PPARGC1B: variants seen among roughly 807,000 people sequenced by gnomAD.
PPARGC1B encodes the protein PPARG coactivator 1 beta.
A neutral mutation model predicts 101.6 loss-of-function variants in PPARGC1B; 34 were observed. That is an observed-to-expected ratio of 0.33 (90% CI 0.25 to 0.45). PPARGC1B has a LOEUF of 0.45. Among genes scored for constraint, PPARGC1B ranks in the 20% least tolerant of loss-of-function variants. The pLI, the probability that PPARGC1B is intolerant of heterozygous loss-of-function variation, is 1.00. For missense variants in PPARGC1B, 1,234 were observed against 1,317.6 expected (o/e 0.94, Z 0.98); for synonymous variants, 548 against 539.3 (o/e 1.02, Z -0.22).
rs1253837061 is a variant in PPARGC1B, at chr5:149,849,406, A to G, written c.*1848A>G. On this transcript the variant is annotated 3_prime_UTR_variant, in exon 12 of 12. Transcript: ENST00000309241. ...TTCCTGTGAAATGAACTGATTAGACATGTTTCAACATTGTTAGCTTCTGCT... is the reference window on the plus strand; with the variant it reads ...TTCCTGTGAAATGAACTGATTAGACGTGTTTCAACATTGTTAGCTTCTGCT... 6.6e-6 allele frequency: 1 copy of G among 152,202 alleles called. No homozygotes were observed. The highest frequency in any genetic ancestry group is 2.4e-5 in the African/African-American group (1 of 41,428). 9.4% of individuals were successfully genotyped at this position (152,202 alleles called of 1,614,324 possible).
rs537306509 is a variant in PPARGC1B, at chr5:149,736,829, G to C, written c.78+6409G>C. On this transcript the variant is annotated intron_variant, in intron 1 of 11. Coordinates refer to ENST00000309241, the MANE Select transcript of PPARGC1B (RefSeq NM_133263.4). ...AATTGAAAGGAAGGTACAGAGATTT[G>C]CCATATACCCTTGCCCCCAACATGC... Among the ~76,000 whole-genome samples the C allele has an allele frequency of 4.6e-5, 7 of 152,086 alleles. 1 individual carries two copies. In the South Asian group the frequency reaches 1.2e-3, roughly 27 times the overall value.
At chr5:149,778,012 C>T (rs4705091) in intron 1 of PPARGC1B, among the ~76,000 whole-genome samples, 10,599 of 67,498 alleles carry the variant, frequency 0.16, 1,638 homozygotes, top group Admixed American at 0.19. Context: ...TTCCCCCCCC[C>T]ACAGACACAC....
Position 149,836,307 on chromosome 5 carries a change from G to C in PPARGC1B, c.1852G>C (p.Asp618His), listed in dbSNP as rs1446460058. The C allele has an allele frequency of 1.2e-6, 2 of 1,610,476 alleles. No homozygotes were observed. Among genetic ancestry groups the C allele is most frequent in the Non-Finnish European group, 1.7e-6 (2 of 1,178,456 alleles). ...ACCACCGTACAAGCCCACAGAGGAG[G>C]ATCCCTTCAAACCAGACATCAAGCA... ...TTPPYKPTEEDPFKPDIKHSL... is the reference protein window; with the variant it reads ...TTPPYKPTEEHPFKPDIKHSL... The change falls in exon 8 of 12, where the codon GAT becomes CAT. Residue 618 changes from aspartate to histidine, a missense_variant. This residue lies in a region of PPARGC1B where 497 missense variants were observed against 529.5 expected (regional missense o/e 0.94). Transcript: ENST00000309241.
intron 1 of PPARGC1B, among the ~76,000 whole-genome samples, chr5:149,757,043 A>C (rs1401238729): frequency 6.6e-6 from 1 of 152,190 alleles, no homozygotes; most frequent in Non-Finnish European, 1.5e-5. Context: ...AGAGAGGCGG[A>C]AAATACACAA....
rs934058944 is a variant in PPARGC1B, at chr5:149,837,243, G to A, written c.2618+170G>A. Among the ~76,000 whole-genome samples, 1 of 152,192 alleles carries A rather than the reference G, an allele frequency of 6.6e-6. No homozygotes were observed. The highest frequency in any genetic ancestry group is 2.4e-5 in the African/African-American group (1 of 41,444). On this transcript the variant is annotated intron_variant, in intron 8 of 11. Transcript: ENST00000309241. This position sits in a 1 kb window ranked among gnomAD's most constrained non-coding sequence, Gnocchi z 4.2. ...GGAGCCTTGAAGGTGGTCTTCTGGG[G>A]CAGTTGTGGGTGAGTTCTGGAGGCA...
intron 1 of PPARGC1B, among the ~76,000 whole-genome samples, chr5:149,758,254 C>G (rs1339079323): frequency 6.6e-6 from 1 of 152,258 alleles, no homozygotes; most frequent in Non-Finnish European, 1.5e-5. Flanking sequence ...TTGTTCTAGA[C>G]TAGAAGTCAT....
chr5:149,852,147 CT>C lies in PPARGC1B; in HGVS notation c.*4591del, dbSNP rs1269509341. On this transcript the variant is annotated 3_prime_UTR_variant, in exon 12 of 12. Coordinates refer to ENST00000309241, the MANE Select transcript of PPARGC1B (RefSeq NM_133263.4). ...GAAACAGGGAGCCATGGGTTTAGAT[CT>C]TGGTACCTACCTTTACAGAAAGATG... is the stretch of plus-strand genomic sequence containing the variant. The C allele has an allele frequency of 6.6e-6, 1 of 152,230 alleles. No homozygotes were observed. 9.4% of individuals were successfully genotyped at this position (152,230 alleles called of 1,614,324 possible).
In PPARGC1B at chr5:149,832,953, A is replaced by G. The variant is rs759082558; in HGVS notation, c.880A>G (p.Met294Val). ...MQAMVQLIRY[M>V]HTYCLPQRKL... ...GGCGATGGTGCAACTCATACGCTAC[A>G]TGCACACCTACTGCCTCCCCCAGAG... The change falls in exon 5 of 12, where the codon ATG (methionine) becomes GTG (valine). Residue 294 changes from methionine to valine, a missense_variant. Transcript: ENST00000309241. The surrounding 1 kb of genome is among the most constrained non-coding windows in gnomAD (Gnocchi z 4.9). 3 of 1,613,022 alleles carry G rather than the reference A, an allele frequency of 1.9e-6. No individual in the cohort carries two copies. Among genetic ancestry groups the G allele is most frequent in the South Asian group, 2.2e-5 (2 of 91,082 alleles).
rs749190055 is a variant in PPARGC1B, at chr5:149,837,045, T to C, written c.2590T>C (p.Trp864Arg). 2.5e-6 allele frequency: 4 copies of C among 1,613,184 alleles called. No homozygotes were observed. The South Asian group carries it at 4.4e-5, about 18-fold the overall frequency. The change falls in exon 8 of 12, where the codon TGG becomes CGG. Residue 864 changes from tryptophan to arginine, a missense_variant. Physicochemically the swap from Trp to Arg is moderately radical, Grantham distance 101. Transcript: ENST00000309241. This position sits in a 1 kb window ranked among gnomAD's most constrained non-coding sequence, Gnocchi z 4.2. ...SSSGSSPCHS[W>R]SPATRRNFRC... ...CTCTGGCTCTTCACCCTGCCACTCC[T>C]GGTCACCAGCCACTCGAAGGAACTT...
chr5:149,742,348 C>T (rs1045318235), intron 1 of PPARGC1B, among the ~76,000 whole-genome samples: 1 of 152,204 alleles, frequency 6.6e-6, no homozygotes, highest in Admixed American at 6.5e-5. Flanking sequence ...CTGTAGTTCC[C>T]CCTCTCAGAA....
At chr5:149,790,116 G>A (rs888110904) in intron 1 of PPARGC1B, among the ~76,000 whole-genome samples, 1 of 152,296 alleles carries the variant, frequency 6.6e-6, no homozygotes, top group Non-Finnish European at 1.5e-5. Flanking sequence ...TGCCTACTGT[G>A]TAGGATTATT....
chr5:149,854,326 T>TG lies in PPARGC1B; in HGVS notation c.*6773dup, dbSNP rs1759880284. On this transcript the variant is annotated 3_prime_UTR_variant, in exon 12 of 12. Transcript: ENST00000309241. ...CGTGAGTGTAAGGCTGTGTTTGTGGTGGGGGTGTGTGTGTGTGTATCTGTG... is the reference window on the plus strand; with the variant it reads ...CGTGAGTGTAAGGCTGTGTTTGTGGTGGGGGGTGTGTGTGTGTGTATCTGTG... 6.6e-6 allele frequency: 1 copy of TG among 151,358 alleles called. No individual in the cohort carries two copies. 9.4% of individuals were successfully genotyped at this position (151,358 alleles called of 1,614,324 possible).
Position 149,734,554 on chromosome 5 carries a change from T to C in PPARGC1B, c.78+4134T>C, listed in dbSNP as rs150404160. On this transcript the variant is annotated intron_variant, in intron 1 of 11. Coordinates refer to ENST00000309241, the MANE Select transcript of PPARGC1B (RefSeq NM_133263.4). Reference sequence around the variant, plus strand: ...CTTTATCGTTACTCATTTACGTTGTTTAATTTTTTTATTTTGCTATTGTAA... The same window carrying C: ...CTTTATCGTTACTCATTTACGTTGTCTAATTTTTTTATTTTGCTATTGTAA... 1.4e-3 allele frequency among the ~76,000 whole-genome samples: 217 copies of C among 152,294 alleles called. 1 individual carries two copies. The highest frequency in any genetic ancestry group is 5.1e-3 in the African/African-American group (211 of 41,556).
At chr5:149,827,455 G>A (rs938321672) in intron 3 of PPARGC1B, among the ~76,000 whole-genome samples, 3 of 152,180 alleles carry the variant, frequency 2.0e-5, no homozygotes, top group African/African-American at 7.2e-5. Flanking sequence ...TCTTTGTGTT[G>A]GCTGTGTAAT....
chr5:149,781,838 C>A (rs940701215), intron 1 of PPARGC1B, among the ~76,000 whole-genome samples: 2 of 152,180 alleles, frequency 1.3e-5, no homozygotes, highest in Non-Finnish European at 2.9e-5. Context: ...GTCTCATAAC[C>A]TTTACCCATA....
At chr5:149,806,719 C>T (rs1390899377) in intron 1 of PPARGC1B, among the ~76,000 whole-genome samples, 2 of 151,718 alleles carry the variant, frequency 1.3e-5, no homozygotes, top group African/African-American at 2.4e-5. Flanking sequence ...GCGATTCTCC[C>T]GCCTCAGCCT....
At chr5:149,744,488 T>G (rs1314705468) in intron 1 of PPARGC1B, among the ~76,000 whole-genome samples, 1 of 152,210 alleles carries the variant, frequency 6.6e-6, no homozygotes, top group Non-Finnish European at 1.5e-5. Context: ...CAAAGCTCAT[T>G]GGTGAAGACA....
intron 10 of PPARGC1B, 145 bp downstream of exon 10, chr5:149,842,522 G>A (rs972546084): frequency 4.4e-6 from 5 of 1,130,366 alleles, no homozygotes; most frequent in Admixed American, 2.2e-5. Context: ...AGGCCCATGA[G>A]AAGGACCAGA....
intron 1 of PPARGC1B, chr5:149,732,840 A>G: frequency 2.1e-6 from 1 of 479,216 alleles, no homozygotes; most frequent in Non-Finnish European, 4.3e-6. Flanking sequence ...TCCTGACTCC[A>G]GGTCCTGTGT....
Sources: allele counts gnomAD v4.1 joint callset (sites outside exome capture counted in the v4.1 genomes callset), GRCh38; gene constraint gnomAD v4.1.1; regional missense constraint gnomAD v4.1.1; non-coding constraint Gnocchi (gnomAD v3.1); transcripts MANE v1.5; gene names NCBI Gene and HGNC (gene_info 2026-07-23, HGNC 2026-07-21).